Variants in ROBO1 observed in about 807,000 individuals in gnomAD.
The protein encoded by ROBO1 is roundabout homolog 1.
Under a neutral mutation model 195.9 loss-of-function variants are expected in ROBO1, and 149 were observed. The observed-to-expected ratio is 0.76, with a 90% CI of 0.67 to 0.87. ROBO1 has a LOEUF of 0.87. Ranked by LOEUF, ROBO1 falls within the 40% of genes least tolerant of loss-of-function variation. The probability of loss-of-function intolerance (pLI) is 0.00; values close to 1 mark genes in which losing one functional copy is unlikely to be tolerated. For synonymous variants in ROBO1, 816 were observed against 733.2 expected, an observed-to-expected ratio of 1.11 and a Z score of -1.82; for missense variants, 1,933 against 2,068.3, an observed-to-expected ratio of 0.93 and a Z score of 1.27.
chr3:79,107,710 C>T (rs1451579533), intron 3 of ROBO1, among the ~76,000 whole-genome samples: 1 of 151,524 alleles, frequency 6.6e-6, no homozygotes, highest in African/African-American at 2.4e-5. Context: ...ACTCTCAATA[C>T]AGGTAATTTA....
chr3:78,650,274 C>T (rs1181664768), intron 19 of ROBO1, among the ~76,000 whole-genome samples: 2 of 152,024 alleles, frequency 1.3e-5, no homozygotes, highest in African/African-American at 4.8e-5. Context: ...AACCTCCAAG[C>T]CCTCATTTTC....
At chr3:78,763,523 T>C (rs1486232029) in intron 4 of ROBO1, among the ~76,000 whole-genome samples, 1 of 152,194 alleles carries the variant, frequency 6.6e-6, no homozygotes, top group African/African-American at 2.4e-5. Context: ...TACATTCACA[T>C]GTGTTCATTA....
chr3:79,277,757 T>G (rs954439908), intron 2 of ROBO1, among the ~76,000 whole-genome samples: 8 of 150,618 alleles, frequency 5.3e-5, no homozygotes, highest in African/African-American at 2.0e-4. Flanking sequence ...ACAACTACTA[T>G]GTATGCACAG....
At chr3:78,703,485 T>C (rs1284795315) in intron 8 of ROBO1, among the ~76,000 whole-genome samples, 1 of 152,140 alleles carries the variant, frequency 6.6e-6, no homozygotes, top group Non-Finnish European at 1.5e-5. Context: ...TCACATCTTG[T>C]CTTTTTTGGT....
At chr3:79,441,143 A>C (rs1308488786) in intron 2 of ROBO1, among the ~76,000 whole-genome samples, 1 of 152,152 alleles carries the variant, frequency 6.6e-6, no homozygotes, top group African/African-American at 2.4e-5. Context: ...GTTTCAAAAG[A>C]GTATAAACAC....
rs138029914 is a variant in ROBO1 at position 79,618,948 on chromosome 3, G to A, written c.-50-28987C>T. Among the ~76,000 whole-genome samples, 1,328 of 152,242 alleles carry A rather than the reference G, an allele frequency of 8.7e-3. 11 individuals carry two copies. The highest frequency in any genetic ancestry group is 0.041 in the Middle Eastern group (12 of 294). The stretch of plus-strand genomic sequence containing the variant: ...TTATCCGTGGACCCAAAACTCCAGC[G>A]CCAGTCACGAACTCAGGAAGACAGT... On this transcript the variant is annotated intron_variant, in intron 1 of 30. Coordinates refer to ENST00000464233, the MANE Select transcript of ROBO1 (RefSeq NM_002941.4).
chr3:79,209,486 T>C (rs1357095905), intron 2 of ROBO1, among the ~76,000 whole-genome samples: 5 of 152,236 alleles, frequency 3.3e-5, no homozygotes, highest in Middle Eastern at 6.8e-3. Context: ...TTTTATATTA[T>C]ATAATGACTT....
intron 8 of ROBO1, among the ~76,000 whole-genome samples, chr3:78,711,392 TTC>T (rs2081721711): frequency 2.0e-3 from 97 of 49,322 alleles, no homozygotes; most frequent in Middle Eastern, 9.6e-3. Flanking sequence ...CCTTCCTTCC[TTC>T]CTTCCTTTCT....
intron 2 of ROBO1, among the ~76,000 whole-genome samples, chr3:79,465,003 T>A (rs1325293091): frequency 3.3e-5 from 5 of 152,158 alleles, no homozygotes; most frequent in Non-Finnish European, 7.4e-5. Context: ...TTAAAGAATG[T>A]GTGACATTTT....
chr3:79,716,783 G>A (rs1702506538), intron 1 of ROBO1, among the ~76,000 whole-genome samples: 1 of 151,812 alleles, frequency 6.6e-6, no homozygotes, highest in Non-Finnish European at 1.5e-5. Context: ...CCAATATAAG[G>A]ACTAAAACTG....
At chr3:78,856,063 T>G (rs1217556234) in intron 4 of ROBO1, among the ~76,000 whole-genome samples, 1 of 151,988 alleles carries the variant, frequency 6.6e-6, no homozygotes, top group Non-Finnish European at 1.5e-5. Context: ...TTTTCTTTTT[T>G]TTCAAGCTTC....
At chr3:78,798,507 G>A (rs1280997163) in intron 4 of ROBO1, among the ~76,000 whole-genome samples, 1 of 152,198 alleles carries the variant, frequency 6.6e-6, no homozygotes, top group Non-Finnish European at 1.5e-5. Flanking sequence ...CAAGCTGAAT[G>A]TGAAGAACAA....
In ROBO1 at chr3:79,179,726, C is replaced by T. The variant is rs148990708; in HGVS notation, c.89-54187G>A. ...GAATACTTTTGAAGCTTGTTTCAGA[C>T]ACTGAATACCCAGAATAAAGGATTT... On this transcript the variant is annotated intron_variant, in intron 2 of 30. Transcript: ENST00000464233. Among the ~76,000 whole-genome samples the T allele has an allele frequency of 2.0e-5, 3 of 152,204 alleles. No individual in the cohort carries two copies. In the East Asian group the frequency reaches 5.8e-4, roughly 29 times the overall value.
chr3:78,969,909 G>A (rs560486131), intron 3 of ROBO1, among the ~76,000 whole-genome samples: 3 of 152,090 alleles, frequency 2.0e-5, no homozygotes, highest in African/African-American at 7.2e-5. Context: ...AGTGAGTTAC[G>A]ACTGAAACAT....
chr3:78,631,369 A>C (rs1284381898), intron 24 of ROBO1, 64 bp from the exon 25 acceptor site: 20 of 1,497,958 alleles, frequency 1.3e-5, no homozygotes, highest in Non-Finnish European at 1.8e-5. Context: ...ATTAGTCACA[A>C]GTTAATTATT....
chr3:79,452,979 G>A (rs984786492), intron 2 of ROBO1, among the ~76,000 whole-genome samples: 1 of 151,938 alleles, frequency 6.6e-6, no homozygotes, highest in Non-Finnish European at 1.5e-5. Context: ...GTAACAGAGG[G>A]TACAGCCAGA....
At chr3:78,751,192 C>T (rs1358506403) in intron 4 of ROBO1, among the ~76,000 whole-genome samples, 1 of 152,070 alleles carries the variant, frequency 6.6e-6, no homozygotes, top group East Asian at 1.9e-4. Flanking sequence ...ATCATAGAAT[C>T]TCAGTGCGGT....
chr3:78,758,141 T>A (rs2082987302), intron 4 of ROBO1, among the ~76,000 whole-genome samples: 1 of 152,214 alleles, frequency 6.6e-6, no homozygotes, highest in African/African-American at 2.4e-5. Context: ...TTAAGGTACT[T>A]GAGATTAAAT....
At chr3:79,506,738 C>T (rs1940420594) in intron 2 of ROBO1, among the ~76,000 whole-genome samples, 1 of 151,976 alleles carries the variant, frequency 6.6e-6, no homozygotes, top group African/African-American at 2.4e-5. Flanking sequence ...TCACTGTGCC[C>T]GGCTGAGACA....
Sources: allele counts gnomAD v4.1 joint callset (sites outside exome capture counted in the v4.1 genomes callset), GRCh38; gene constraint gnomAD v4.1.1; transcripts MANE v1.5; gene names NCBI Gene and HGNC (gene_info 2026-07-23, HGNC 2026-07-21).